Variants in BAIAP2 observed in about 807,000 individuals in gnomAD.
BAIAP2 encodes BAR/IMD domain-containing adapter protein 2.
A neutral mutation model predicts 63.0 loss-of-function variants in BAIAP2; 18 were observed. The observed-to-expected ratio is 0.29, with a 90% CI of 0.20 to 0.42. The LOEUF (loss-of-function observed/expected upper bound fraction) is 0.42. BAIAP2 is among the 10% of genes least tolerant of loss of function. The pLI is 1.00. For synonymous variants in BAIAP2, 386 were observed against 307.6 expected (o/e 1.25, Z -2.67); for missense variants, 610 against 734.3 (o/e 0.83, Z 1.96).
rs79480067 is a variant in BAIAP2, at chr17:81,111,109, G to A, written c.1535+2600G>A. 1.4e-3 allele frequency: 1,332 copies of A among 924,694 alleles called. 11 individuals carry two copies. In the African/African-American group the frequency reaches 0.018, roughly 12 times the overall value. 57.3% of individuals were successfully genotyped at this position (924,694 alleles called of 1,614,324 possible). The stretch of plus-strand genomic sequence containing the variant: ...GAGCCTGCCTCTCACTCTGGGTGCT[G>A]GGCCTTCTCTACTGGGTCCCCTCCT... On this transcript the variant is annotated intron_variant, in intron 13 of 13. Coordinates refer to ENST00000428708, the MANE Select transcript of BAIAP2 (RefSeq NM_001144888.2).
chr17:81,059,879 A>AG (rs376551984), intron 3 of BAIAP2, among the ~76,000 whole-genome samples: 161 of 146,618 alleles, frequency 1.1e-3, no homozygotes, highest in African/African-American at 3.8e-3. Flanking sequence ...GCCCACAGTG[A>AG]GGGGTGGGTG....
intron 3 of BAIAP2, among the ~76,000 whole-genome samples, chr17:81,062,307 A>ATTT (rs34176221): frequency 2.5e-4 from 37 of 148,328 alleles, no homozygotes; most frequent in African/African-American, 8.9e-4. Flanking sequence ...CAATGGACTG[A>ATTT]TTTTTTTTTT....
intron 6 of BAIAP2, among the ~76,000 whole-genome samples, chr17:81,089,726 C>G (rs1010546584): frequency 1.3e-5 from 2 of 152,126 alleles, no homozygotes; most frequent in African/African-American, 4.8e-5. Flanking sequence ...ATGAGGGCAG[C>G]ATTCCCATCT....
chr17:81,113,439 A>G (rs891261306), intron 13 of BAIAP2, among the ~76,000 whole-genome samples: 12 of 152,242 alleles, frequency 7.9e-5, no homozygotes, highest in East Asian at 3.9e-4. Context: ...GTCATATTCT[A>G]TTGGCTCAGT....
At chr17:81,106,549 G>C (rs915940765) in intron 11 of BAIAP2, among the ~76,000 whole-genome samples, 196 bp from the exon 12 acceptor site, 2 of 152,214 alleles carry the variant, frequency 1.3e-5, no homozygotes, top group African/African-American at 2.4e-5. Flanking sequence ...TCCCGGCTTA[G>C]CTTCATGGCC....
rs368975598 is a variant in BAIAP2, at chr17:81,116,619, G to T, written c.*780G>T. ...GGGGGCTTCCCCGCTTCCGGGGTCT[G>T]CCCCAGGACTCCTGGGTGGACCTCC... On this transcript the variant is annotated 3_prime_UTR_variant, in exon 14 of 14. Transcript: ENST00000428708. 9.4e-6 allele frequency: 4 copies of T among 424,474 alleles called. No homozygotes were observed. The East Asian group carries it at 1.2e-4, about 13-fold the overall frequency. The allele number at this position is 424,474 out of a possible 1,614,324, so 26.3% of individuals were successfully genotyped here.
At position 81,085,734 on chromosome 17, in the gene BAIAP2, A is replaced by T. The variant is rs762904216; in HGVS notation, c.351+9A>T. 6.2e-7 allele frequency: 1 copy of T among 1,610,726 alleles called. No homozygotes were observed. The highest frequency in any genetic ancestry group is 1.7e-5 in the Admixed American group (1 of 59,984). On this transcript the variant is annotated intron_variant, in intron 5 of 13. Coordinates refer to ENST00000428708, the MANE Select transcript of BAIAP2 (RefSeq NM_001144888.2). Reference sequence around the variant, plus strand: ...ACTCCAGGTATCTGAGTGTAAGTGCACCCTGGCCGTGCCTGCTGGGCCCTG... The same window carrying T: ...ACTCCAGGTATCTGAGTGTAAGTGCTCCCTGGCCGTGCCTGCTGGGCCCTG...
At position 81,057,969 on chromosome 17, in the gene BAIAP2, T is replaced by TGGGGGGGGGGGGGGGGGGGGGGGGGG; in HGVS notation, c.217+3_217+4insGGGGGGGGGGGGGGGGGGGGGGGGGG. On this transcript the variant is annotated splice_region_variant and intron_variant, in intron 3 of 13. Coordinates refer to ENST00000428708, the MANE Select transcript of BAIAP2 (RefSeq NM_001144888.2). ...AGAGCCAGGGCTCCAAAGAACTCGG[T>TGGGGGGGGGGGGGGGGGGGGGGGGGG]GAGACCCCCCCCCCCCCCCCGCCTG... 2 of 964,862 alleles carry TGGGGGGGGGGGGGGGGGGGGGGGGGG rather than the reference T, an allele frequency of 2.1e-6. No individual in the cohort carries two copies. Among genetic ancestry groups the TGGGGGGGGGGGGGGGGGGGGGGGGGG allele is most frequent in the Non-Finnish European group, 1.4e-6 (1 of 713,582 alleles). The allele number at this position is 964,862 out of a possible 1,614,324, so 59.8% of individuals were successfully genotyped here.
chr17:81,091,025 G>GCCCCT (rs1347031094), intron 6 of BAIAP2, among the ~76,000 whole-genome samples: 1 of 143,334 alleles, frequency 7.0e-6, no homozygotes, highest in Non-Finnish European at 1.5e-5. Flanking sequence ...GTGCAGCCCC[G>GCCCCT]CCCCTCCAGT....
chr17:81,086,924 C>G (rs2055761461), intron 6 of BAIAP2: 1 of 207,824 alleles, frequency 4.8e-6, no homozygotes, highest in Admixed American at 5.6e-5. Flanking sequence ...GTCGTGGCCT[C>G]CGCCTGCAGG....
chr17:81,106,038 C>T lies in BAIAP2; in HGVS notation c.1269-40C>T, dbSNP rs1360747760. On this transcript the variant is annotated intron_variant, in intron 10 of 13. Transcript: ENST00000428708. ...GTGGTCGGTGGGGGATGGGGAGCCTCTGGGCTGAGCGTGGCTCTTACCTGG... is the reference window on the plus strand; with the variant it reads ...GTGGTCGGTGGGGGATGGGGAGCCTTTGGGCTGAGCGTGGCTCTTACCTGG... 3.9e-6 allele frequency: 6 copies of T among 1,545,028 alleles called. No individual in the cohort carries two copies. In the South Asian group the frequency reaches 4.8e-5, roughly 12 times the overall value.
chr17:81,035,205 G>T lies in BAIAP2; in HGVS notation c.-50G>T. 7.0e-7 allele frequency: 1 copy of T among 1,429,074 alleles called. No homozygotes were observed. The highest frequency in any genetic ancestry group is 1.4e-5 in the South Asian group (1 of 72,160). The allele number at this position is 1,429,074 out of a possible 1,614,324, so 88.5% of individuals were successfully genotyped here. A position where few individuals can be genotyped will look rare whatever the true frequency, so the allele number is the denominator to read the frequency against. ...TGCTGCCGTTACCGCCGCTGCTGCC[G>T]CCGCTTGCGTCCCCCGCTCCGGTCT... On this transcript the variant is annotated 5_prime_UTR_variant, in exon 1 of 14. Coordinates refer to ENST00000428708, the MANE Select transcript of BAIAP2 (RefSeq NM_001144888.2).
chr17:81,084,854 T>C lies in BAIAP2; in HGVS notation c.240T>C (p.Ala80=). The change falls in exon 4 of 14, where the codon GCT becomes GCC. Residue 80 remains alanine, a synonymous_variant. Transcript: ENST00000428708. The part of the protein sequence containing the change: ...KELGDVLFQM[A]EVHRQIQNQL... The stretch of plus-strand genomic sequence containing the variant: ...CAGGAGACGTTCTCTTCCAGATGGC[T>C]GAAGTCCACAGGCAGATCCAGAATC... 1 of 1,613,836 alleles carries C rather than the reference T, an allele frequency of 6.2e-7. No homozygotes were observed. The highest frequency in any genetic ancestry group is 1.1e-5 in the South Asian group (1 of 91,080).
intron 3 of BAIAP2, among the ~76,000 whole-genome samples, chr17:81,064,471 C>G (rs773885094): frequency 4.6e-5 from 7 of 152,232 alleles, no homozygotes; most frequent in Non-Finnish European, 8.8e-5. Flanking sequence ...CCTGGCAGCA[C>G]CCCCTCACTG....
At chr17:81,061,184 T>C (rs1052663113) in intron 3 of BAIAP2, among the ~76,000 whole-genome samples, 1 of 152,246 alleles carries the variant, frequency 6.6e-6, no homozygotes, top group African/African-American at 2.4e-5. Context: ...ACTTAGCCTT[T>C]TTATGCTGTC....
intron 5 of BAIAP2, 32 bp from the exon 6 acceptor site, chr17:81,086,411 C>T (rs949215483): frequency 3.1e-6 from 5 of 1,610,638 alleles, no homozygotes; most frequent in East Asian, 4.5e-5. Flanking sequence ...GTTCATGGGC[C>T]TTGGTTTTGT....
In BAIAP2 at chr17:81,104,043, G is replaced by A; in HGVS notation, c.1001G>A (p.Ser334Asn). The change falls in exon 9 of 14, where the codon AGC becomes AAC. Residue 334 changes from serine to asparagine, a missense_variant. Around this residue, in one of 5 missense-constraint regions of BAIAP2, gnomAD observed 389 missense variants for 455.6 expected, o/e 0.85. Coordinates refer to ENST00000428708, the MANE Select transcript of BAIAP2 (RefSeq NM_001144888.2). Reference protein sequence around the residue: ...LSPPQSQSKLSDSYSNTLPVR... With the variant: ...LSPPQSQSKLNDSYSNTLPVR... The stretch of plus-strand genomic sequence containing the variant: ...CCTCCGCAGTCTCAGAGCAAGCTCA[G>A]CGACTCCTACTCCAACACACTCCCC... 3.1e-6 allele frequency: 5 copies of A among 1,613,330 alleles called. No homozygotes were observed. Among genetic ancestry groups the A allele is most frequent in the Non-Finnish European group, 4.2e-6 (5 of 1,180,012 alleles).
At chr17:81,049,111 G>A (rs1239168310) in intron 1 of BAIAP2, among the ~76,000 whole-genome samples, 1 of 152,248 alleles carries the variant, frequency 6.6e-6, no homozygotes, top group Non-Finnish European at 1.5e-5. Context: ...GAGCCAGTGC[G>A]TGGTCGCCGG....
At chr17:81,104,170 T>G in intron 9 of BAIAP2, 62 bp downstream of exon 9, 1 of 1,557,304 alleles carries the variant, frequency 6.4e-7, no homozygotes, top group East Asian at 2.3e-5. Flanking sequence ...GACCCTACAG[T>G]CATGCCACAA....
Sources: allele counts gnomAD v4.1 joint callset (sites outside exome capture counted in the v4.1 genomes callset), GRCh38; gene constraint gnomAD v4.1.1; regional missense constraint gnomAD v4.1.1; transcripts MANE v1.5; gene names NCBI Gene and HGNC (gene_info 2026-07-23, HGNC 2026-07-21).